SLC4A8: variants seen among roughly 807,000 people sequenced by gnomAD.
SLC4A8 encodes solute carrier family 4 member 8.
Under a neutral mutation model 125.0 loss-of-function variants are expected in SLC4A8, and 40 were observed. That is an observed-to-expected ratio of 0.32 (90% confidence interval 0.25 to 0.42). The LOEUF is 0.42. Among genes scored for constraint, SLC4A8 ranks in the 10% least tolerant of loss-of-function variants. SLC4A8 has a pLI of 1.00. For synonymous variants in SLC4A8, 456 were observed against 476.0 expected (o/e 0.96, Z 0.55); for missense variants, 863 against 1,355.1 (o/e 0.64, Z 5.70).
At chr12:51,500,513 C>CATG (rs1353168620) in intron 22 of SLC4A8, among the ~76,000 whole-genome samples, 1 of 151,848 alleles carries the variant, frequency 6.6e-6, no homozygotes, top group Non-Finnish European at 1.5e-5. Context: ...TTTCATGTTT[C>CATG]TATTTGTATC....
chr12:51,504,553 A>G (rs1299827735), intron 23 of SLC4A8, among the ~76,000 whole-genome samples: 1 of 152,248 alleles, frequency 6.6e-6, no homozygotes, highest in Non-Finnish European at 1.5e-5. Context: ...GTCGTCTTCT[A>G]TTCCTCAAAC....
chr12:51,426,510 T>C (rs1218642237), intron 1 of SLC4A8, among the ~76,000 whole-genome samples: 2 of 152,206 alleles, frequency 1.3e-5, no homozygotes, highest in Non-Finnish European at 2.9e-5. Context: ...ATAACAGTGG[T>C]TCCAGACATG....
In SLC4A8 at chr12:51,495,023, C is replaced by T. The variant is rs771786876; in HGVS notation, c.2848C>T (p.Arg950Cys). The change falls in exon 21 of 25, where the codon CGC becomes TGC. Residue 950 changes from arginine (R) to cysteine (C), a missense_variant. By Grantham distance (180) the Arg-to-Cys change is radical. Transcript: ENST00000453097. The part of the protein sequence containing the change: ...DFIYLRHVPL[R>C]KVHLFTLIQL... Reference sequence around the variant, plus strand: ...CATCTACCTGCGGCATGTGCCGCTGCGCAAAGTGCACCTCTTCACCCTCAT... The same window carrying T: ...CATCTACCTGCGGCATGTGCCGCTGTGCAAAGTGCACCTCTTCACCCTCAT... The T allele has an allele frequency of 4.3e-6, 7 of 1,613,982 alleles. No homozygotes were observed. The highest frequency in any genetic ancestry group is 1.7e-5 in the Admixed American group (1 of 60,008).
chr12:51,479,846 G>GA (rs1950968992), intron 16 of SLC4A8: 1 of 216,942 alleles, frequency 4.6e-6, no homozygotes. Flanking sequence ...TCATTAAATA[G>GA]AAAAAGAAAT....
intron 1 of SLC4A8, among the ~76,000 whole-genome samples, chr12:51,412,712 A>G (rs1948618350): frequency 6.6e-6 from 1 of 152,228 alleles, no homozygotes; most frequent in Non-Finnish European, 1.5e-5. Context: ...TATTTCACTT[A>G]ACATAATGAT....
chr12:51,468,212 C>T (rs1203643122), intron 11 of SLC4A8, among the ~76,000 whole-genome samples: 1 of 152,192 alleles, frequency 6.6e-6, no homozygotes, highest in African/African-American at 2.4e-5. Context: ...CACATCTCCT[C>T]CTTAGGGATA....
intron 1 of SLC4A8, among the ~76,000 whole-genome samples, chr12:51,405,501 C>T (rs1422485237): frequency 6.6e-6 from 1 of 152,184 alleles, no homozygotes; most frequent in East Asian, 1.9e-4. Flanking sequence ...GGGTCTCCAC[C>T]ATTATATATA....
At chr12:51,500,954 G>A (rs964215436) in intron 22 of SLC4A8, among the ~76,000 whole-genome samples, 7 of 149,860 alleles carry the variant, frequency 4.7e-5, no homozygotes, top group African/African-American at 1.5e-4. Flanking sequence ...ATGTATACAT[G>A]TGCCATGTTG....
chr12:51,492,431 C>T (rs1476589859), intron 19 of SLC4A8, among the ~76,000 whole-genome samples: 1 of 152,158 alleles, frequency 6.6e-6, no homozygotes, highest in Non-Finnish European at 1.5e-5. Flanking sequence ...CTCATATTCC[C>T]TGTCCCCAGC....
intron 11 of SLC4A8, 135 bp from the exon 12 acceptor site, chr12:51,469,479 C>G (rs1950627320): frequency 4.6e-6 from 3 of 647,642 alleles, no homozygotes; most frequent in Admixed American, 6.0e-5. Flanking sequence ...AGAGAGTTAT[C>G]TGTACTGGGG....
intron 1 of SLC4A8, among the ~76,000 whole-genome samples, chr12:51,438,498 A>G (rs1949491170): frequency 6.6e-6 from 1 of 152,192 alleles, no homozygotes; most frequent in South Asian, 2.1e-4. Flanking sequence ...TGCTGTGTAT[A>G]TATGCCATAT....
chr12:51,420,511 C>T (rs187193337), upstream of SLC4A8, among the ~76,000 whole-genome samples: 242 of 152,312 alleles, frequency 1.6e-3, 1 homozygote, highest in Non-Finnish European at 3.0e-3. Flanking sequence ...TAAGGTGCCT[C>T]ATGCTTCCTT....
At chr12:51,488,932 A>G in intron 18 of SLC4A8, 72 bp downstream of exon 18, 2 of 1,192,422 alleles carry the variant, frequency 1.7e-6, no homozygotes, top group Admixed American at 2.0e-5. Flanking sequence ...TAGGGTAAGC[A>G]CATCTAGACC....
At chr12:51,467,576 T>C (rs1367569423) in intron 11 of SLC4A8, 1 of 152,170 alleles carries the variant, frequency 6.6e-6, no homozygotes, top group East Asian at 1.9e-4. Context: ...TCCAGGCTTC[T>C]AGGTGACAGA....
chr12:51,488,034 T>C (rs1168160980), intron 17 of SLC4A8, among the ~76,000 whole-genome samples: 1 of 152,212 alleles, frequency 6.6e-6, no homozygotes, highest in African/African-American at 2.4e-5. Flanking sequence ...ATACACTTGT[T>C]TTCTCTCTAC....
Position 51,410,567 on chromosome 12 carries a change from C to T in SLC4A8, c.-112+19079C>T, listed in dbSNP as rs956138011. ...CTGCCTCCCTGGTTCAAGCAATTCT[C>T]CTGTCTCAGCCTCCCGAATAGCTGG... is the stretch of plus-strand genomic sequence containing the variant. On this transcript the variant is annotated intron_variant, in intron 1 of 24. Coordinates refer to the SLC4A8 transcript ENST00000358657. 2.6e-5 allele frequency among the ~76,000 whole-genome samples: 4 copies of T among 152,074 alleles called. No homozygotes were observed. The East Asian group carries it at 7.8e-4, about 30-fold the overall frequency.
intron 2 of SLC4A8, among the ~76,000 whole-genome samples, chr12:51,446,205 A>C (rs551926272): frequency 1.3e-5 from 2 of 152,328 alleles, no homozygotes; most frequent in East Asian, 3.9e-4. Context: ...CATTATGTTC[A>C]GAGATCTGCC....
In SLC4A8 at chr12:51,400,781, TACATAC is replaced by T. The variant is rs1283420356; in HGVS notation, c.-112+9297_-112+9302del. On this transcript the variant is annotated intron_variant, in intron 1 of 24. Coordinates refer to the SLC4A8 transcript ENST00000358657. The stretch of plus-strand genomic sequence containing the variant: ...ATATATATATATATATATATATACA[TACATAC>T]ACACACACACACACATATATAAACA... Among the ~76,000 whole-genome samples, 44 of 6,988 alleles carry T rather than the reference TACATAC, an allele frequency of 6.3e-3. 3 individuals carry two copies. Among genetic ancestry groups the T allele is most frequent in the African/African-American group, 0.021 (29 of 1,396 alleles). The allele number at this position is 6,988 out of a possible 152,430, so 4.6% of individuals were successfully genotyped here.
At chr12:51,401,395 G>A (rs1201680217) in intron 1 of SLC4A8, among the ~76,000 whole-genome samples, 1 of 152,192 alleles carries the variant, frequency 6.6e-6, no homozygotes, top group Admixed American at 6.5e-5. Context: ...AGCCAGAAGG[G>A]AGATGGAGTG....
Sources: allele counts gnomAD v4.1 joint callset (sites outside exome capture counted in the v4.1 genomes callset), GRCh38; gene constraint gnomAD v4.1.1; transcripts MANE v1.5; gene names NCBI Gene and HGNC (gene_info 2026-07-23, HGNC 2026-07-21).